The following KCNIP4 variants were observed in gnomAD, a reference collection of about 807,000 sequenced individuals.
The protein encoded by KCNIP4 is Kv channel-interacting protein 4.
In KCNIP4, 12 loss-of-function variants were observed where a neutral mutation model predicts 34.0. That is an observed-to-expected ratio of 0.35 (90% CI 0.23 to 0.57). The LOEUF is 0.57. KCNIP4 is among the 20% of genes least tolerant of loss of function. The pLI, the probability that KCNIP4 is intolerant of heterozygous loss-of-function variation, is 0.83. For synonymous variants in KCNIP4, 124 were observed against 102.2 expected (o/e 1.21, Z -1.29); for missense variants, 238 against 311.7 (o/e 0.76, Z 1.78).
At chr4:21,019,440 G>C (rs904197614) in intron 1 of KCNIP4, among the ~76,000 whole-genome samples, 1 of 152,142 alleles carries the variant, frequency 6.6e-6, no homozygotes, top group Middle Eastern at 3.2e-3. Flanking sequence ...TTACAGGCGT[G>C]AGCCACCGCG....
At chr4:20,970,731 T>A (rs1166373242) in intron 1 of KCNIP4, among the ~76,000 whole-genome samples, 1 of 152,132 alleles carries the variant, frequency 6.6e-6, no homozygotes, top group Non-Finnish European at 1.5e-5. Flanking sequence ...TAAAACAAAA[T>A]GTTTAAAAAT....
intron 1 of KCNIP4, among the ~76,000 whole-genome samples, chr4:21,021,879 A>C (rs1176529984): frequency 6.6e-6 from 1 of 151,560 alleles, no homozygotes; most frequent in Non-Finnish European, 1.5e-5. Flanking sequence ...AGTATAGTAT[A>C]GTATAGTATA....
chr4:21,412,903 C>G (rs1476019977), intron 1 of KCNIP4, among the ~76,000 whole-genome samples: 1 of 152,200 alleles, frequency 6.6e-6, no homozygotes, highest in African/African-American at 2.4e-5. Flanking sequence ...TCCTCTATCC[C>G]TTTTCCATTC....
At chr4:20,806,600 C>T (rs1247352410) in intron 3 of KCNIP4, among the ~76,000 whole-genome samples, 2 of 151,534 alleles carry the variant, frequency 1.3e-5, no homozygotes, top group African/African-American at 4.9e-5. Context: ...ATGAATTTTC[C>T]CCACTAGCTA....
intron 1 of KCNIP4, among the ~76,000 whole-genome samples, chr4:20,906,090 TTTTC>T (rs1727734590): frequency 7.0e-6 from 1 of 142,332 alleles, no homozygotes. Context: ...TCTTCCTTTC[TTTTC>T]TTTCTCTCTT....
At chr4:21,498,635 T>A (rs10019808) in intron 1 of KCNIP4, among the ~76,000 whole-genome samples, 5,746 of 152,278 alleles carry the variant, frequency 0.038, 329 homozygotes, top group African/African-American at 0.12. Flanking sequence ...GACAAACCTT[T>A]TGTGACATGT....
rs150207270 is a variant in KCNIP4, at chr4:20,794,628, ACT to A, written c.289-35740_289-35739del. 2.6e-3 allele frequency among the ~76,000 whole-genome samples: 391 copies of A among 152,260 alleles called. 5 individuals carry two copies. In the East Asian group the frequency reaches 0.035, roughly 14 times the overall value. The stretch of plus-strand genomic sequence containing the variant: ...ACCTTGAAAGTTAGGATACTGAATA[ACT>A]CTAAGATGGATGGAAAGATTTATCA... On this transcript the variant is annotated intron_variant, in intron 3 of 8. Transcript: ENST00000382152.
At chr4:21,673,461 T>A (rs531272414) in intron 1 of KCNIP4, among the ~76,000 whole-genome samples, 1 of 152,168 alleles carries the variant, frequency 6.6e-6, no homozygotes, top group African/African-American at 2.4e-5. Flanking sequence ...TTAATTATGA[T>A]GGCAGAAAGT....
chr4:21,923,034 A>G (rs1729019890), intron 1 of KCNIP4, among the ~76,000 whole-genome samples: 1 of 152,202 alleles, frequency 6.6e-6, no homozygotes, highest in South Asian at 2.1e-4. Flanking sequence ...GTGACAGATT[A>G]CATAGAACTG....
At chr4:20,804,736 AATGT>A (rs1714842529) in intron 3 of KCNIP4, among the ~76,000 whole-genome samples, 2 of 152,326 alleles carry the variant, frequency 1.3e-5, no homozygotes, top group Admixed American at 6.5e-5. Context: ...GAAAAGTAGA[AATGT>A]ATTTATTTAC....
intron 1 of KCNIP4, among the ~76,000 whole-genome samples, chr4:21,361,961 G>A (rs16870925): frequency 0.059 from 8,968 of 151,876 alleles, 417 homozygotes; most frequent in African/African-American, 0.12. Context: ...CCGTCACACC[G>A]TCAGAGAATA....
At chr4:21,244,942 A>G (rs1033617171) in intron 1 of KCNIP4, among the ~76,000 whole-genome samples, 1 of 152,230 alleles carries the variant, frequency 6.6e-6, no homozygotes, top group South Asian at 2.1e-4. Context: ...ATCAAAAGTC[A>G]ACACTGATTG....
chr4:21,220,339 A>G (rs1488234153), intron 1 of KCNIP4, among the ~76,000 whole-genome samples: 1 of 152,180 alleles, frequency 6.6e-6, no homozygotes, highest in African/African-American at 2.4e-5. Flanking sequence ...ATTCAGGGCA[A>G]TAAGAACGAG....
chr4:21,212,447 G>A (rs1757282648), intron 1 of KCNIP4, among the ~76,000 whole-genome samples: 1 of 152,144 alleles, frequency 6.6e-6, no homozygotes, highest in African/African-American at 2.4e-5. Context: ...AAGGAATGAA[G>A]TACAGTGTAA....
At chr4:20,747,832 G>A (rs1578502450) in intron 5 of KCNIP4, among the ~76,000 whole-genome samples, 1 of 152,094 alleles carries the variant, frequency 6.6e-6, no homozygotes, top group Non-Finnish European at 1.5e-5. Flanking sequence ...CTGGCTGGAT[G>A]ACATTGCAGA....
At chr4:21,862,971 A>G (rs957158060) in intron 1 of KCNIP4, among the ~76,000 whole-genome samples, 1 of 151,792 alleles carries the variant, frequency 6.6e-6, no homozygotes, top group Non-Finnish European at 1.5e-5. Flanking sequence ...AAAAAAAGAA[A>G]AAAAAAGAAT....
chr4:21,655,077 G>A (rs1002762241), intron 1 of KCNIP4, among the ~76,000 whole-genome samples: 1 of 152,090 alleles, frequency 6.6e-6, no homozygotes, highest in East Asian at 1.9e-4. Context: ...TCTGTGCAAT[G>A]CCAATAAAAC....
chr4:20,811,187 A>AT (rs1226802052), intron 3 of KCNIP4, among the ~76,000 whole-genome samples: 1 of 152,212 alleles, frequency 6.6e-6, no homozygotes, highest in Admixed American at 6.5e-5. Context: ...TCCCTGTCTC[A>AT]TTTCCATAGG....
At chr4:21,672,319 G>T (rs1358622258) in intron 1 of KCNIP4, among the ~76,000 whole-genome samples, 1 of 151,818 alleles carries the variant, frequency 6.6e-6, no homozygotes, top group Non-Finnish European at 1.5e-5. Flanking sequence ...TACTGGTTCT[G>T]TAACACATCT....
Sources: gnomAD v4.1 joint callset for allele counts (sites outside exome capture counted in the v4.1 genomes callset) on GRCh38, gnomAD v4.1.1 for gene constraint, MANE v1.5 for transcripts, NCBI Gene and HGNC (gene_info 2026-07-23, HGNC 2026-07-21) for gene names.